BBOF1: variants seen among roughly 807,000 people sequenced by gnomAD.
The protein encoded by BBOF1 is basal body-orientation factor 1.
In BBOF1, 62 loss-of-function variants were observed where a neutral mutation model predicts 68.0. The ratio of observed to expected loss-of-function variants is 0.91; its 90% CI spans 0.74 to 1.13. The LOEUF (loss-of-function observed/expected upper bound fraction) is 1.13. BBOF1 is among the 50% of genes most tolerant of loss of function. The probability of loss-of-function intolerance (pLI) is 0.00; values close to 1 mark genes in which losing one functional copy is unlikely to be tolerated. For synonymous variants in BBOF1, 208 were observed against 198.8 expected, an observed-to-expected ratio of 1.05 and a Z score of -0.39; for missense variants, 534 against 600.1, an observed-to-expected ratio of 0.89 and a Z score of 1.15.
intron 11 of BBOF1, among the ~76,000 whole-genome samples, chr14:74,064,157 G>T (rs905293554): frequency 6.6e-6 from 1 of 151,536 alleles, no homozygotes. Flanking sequence ...AATTATCCAG[G>T]CATGGTGGCA....
rs368024905 is a variant in BBOF1 at position 74,072,397 on chromosome 14, C to T, written n.1380-5799C>T. 5 of 1,613,938 alleles carry T rather than the reference C, an allele frequency of 3.1e-6. No homozygotes were observed. In the African/African-American group the frequency reaches 6.7e-5, roughly 22 times the overall value. ...GAAAAATAAGCACATGATCCTTTGCCTGACTCACCTTCTCCACTGTACATC... is the reference window on the plus strand; with the variant it reads ...GAAAAATAAGCACATGATCCTTTGCTTGACTCACCTTCTCCACTGTACATC... On this transcript the variant is annotated intron_variant and non_coding_transcript_variant, in intron 9 of 12. Coordinates refer to the BBOF1 transcript ENST00000492026.
At chr14:74,072,081 G>C (rs1397042663) in intron 9 of BBOF1, 4 of 1,567,034 alleles carry the variant, frequency 2.6e-6, no homozygotes, top group Non-Finnish European at 3.5e-6. Context: ...ACAAGGGAGA[G>C]AGTCATGATC....
At chr14:74,062,032 G>C (rs1381919010) in intron 11 of BBOF1, among the ~76,000 whole-genome samples, 1 of 118,810 alleles carries the variant, frequency 8.4e-6, no homozygotes, top group Non-Finnish European at 1.6e-5. Flanking sequence ...CCAACATGGC[G>C]AAACCTCGTC....
intron 11 of BBOF1, chr14:74,060,787 T>C: frequency 7.1e-7 from 1 of 1,410,334 alleles, no homozygotes; most frequent in Non-Finnish European, 1.0e-6. Context: ...ATTTCTGGGG[T>C]TTCATGATTC....
intron 11 of BBOF1, chr14:74,060,827 T>G: frequency 1.1e-6 from 1 of 946,794 alleles, no homozygotes; most frequent in Non-Finnish European, 1.7e-6. Context: ...AAGGAGGTAT[T>G]ATAAAGTGCT....
rs767360530 is a variant in BBOF1, at chr14:74,050,008, C to T, written c.1099C>T (p.Leu367=). Residue 367 remains leucine (L), a synonymous_variant, in exon 8 of 12, where the codon CTG becomes TTG. Transcript: ENST00000394009. Reference sequence around the variant, plus strand: ...AGTGGAAAGATTCTTTTTAGATGCTCTGCACCAAGTGAAGCAACAGATCCT... The same window carrying T: ...AGTGGAAAGATTCTTTTTAGATGCTTTGCACCAAGTGAAGCAACAGATCCT... ...TEVERFFLDA[L]HQVKQQILIS... 3 of 1,613,984 alleles carry T rather than the reference C, an allele frequency of 1.9e-6. No individual in the cohort carries two copies. The African/African-American group carries it at 4.0e-5, about 22-fold the overall frequency.
intron 2 of BBOF1, among the ~76,000 whole-genome samples, chr14:74,028,766 T>C (rs536559601): frequency 4.7e-4 from 71 of 151,770 alleles, no homozygotes; most frequent in Non-Finnish European, 8.1e-4. Context: ...TGGAGTGCAA[T>C]GACGCCATCT....
chr14:74,068,902 G>T, downstream of BBOF1: 1 of 1,613,920 alleles, frequency 6.2e-7, no homozygotes, highest in Non-Finnish European at 8.5e-7. Flanking sequence ...ATCCTCTCTC[G>T]AAGATATACT....
At chr14:74,051,612 T>C (rs1257443822) in intron 8 of BBOF1, among the ~76,000 whole-genome samples, 2 of 151,808 alleles carry the variant, frequency 1.3e-5, no homozygotes, top group African/African-American at 2.4e-5. Flanking sequence ...TTGCAGACTA[T>C]ATATTACATA....
At chr14:74,034,905 C>T (rs2059660184) in intron 4 of BBOF1, among the ~76,000 whole-genome samples, 3 of 152,002 alleles carry the variant, frequency 2.0e-5, no homozygotes, top group Admixed American at 1.3e-4. Context: ...GCCTAGGCAA[C>T]ATAGTGAAAT....
intron 5 of BBOF1, among the ~76,000 whole-genome samples, chr14:74,042,905 C>T (rs2059859444): frequency 6.6e-6 from 1 of 150,898 alleles, no homozygotes; most frequent in African/African-American, 2.5e-5. Flanking sequence ...CACACACACA[C>T]ACACACTACT....
downstream of BBOF1, chr14:74,066,179 GA>G (rs2060461262): frequency 6.0e-6 from 1 of 166,062 alleles, no homozygotes; most frequent in Admixed American, 5.6e-5. Context: ...GCAAGAGGGA[GA>G]GGGGAGAGAA....
chr14:74,024,404 C>T (rs2059378486), intron 2 of BBOF1, among the ~76,000 whole-genome samples: 1 of 152,112 alleles, frequency 6.6e-6, no homozygotes, highest in African/African-American at 2.4e-5. Flanking sequence ...TGCAGTGAGC[C>T]ATGGTCATGT....
intron 4 of BBOF1, among the ~76,000 whole-genome samples, chr14:74,036,772 G>A (rs1278839235): frequency 2.0e-5 from 3 of 150,220 alleles, no homozygotes; most frequent in African/African-American, 7.4e-5. Flanking sequence ...TCAAGACCCT[G>A]TACCTATCTG....
intron 5 of BBOF1, chr14:74,040,954 G>A (rs1296568879): frequency 2.5e-5 from 9 of 359,972 alleles, no homozygotes; most frequent in Non-Finnish European, 4.4e-5. Context: ...GAAGATGGGA[G>A]TGGAGAAATC....
chr14:74,066,698 T>C (rs751036704), downstream of BBOF1: 1 of 1,613,578 alleles, frequency 6.2e-7, no homozygotes, highest in South Asian at 1.1e-5. Flanking sequence ...AAGTGAAAGT[T>C]GTTCACCTTG....
intron 2 of BBOF1, among the ~76,000 whole-genome samples, chr14:74,027,208 C>T (rs1370365968): frequency 1.2e-4 from 18 of 148,258 alleles, no homozygotes; most frequent in Non-Finnish European, 3.0e-5. Flanking sequence ...GCCTCAGCAT[C>T]CTGAGTAGCT....
chr14:74,066,494 G>T (rs1381234825), downstream of BBOF1, among the ~76,000 whole-genome samples: 1 of 152,106 alleles, frequency 6.6e-6, no homozygotes, highest in Non-Finnish European at 1.5e-5. Flanking sequence ...TCCCTTTATG[G>T]AAAGTCTGCA....
intron 8 of BBOF1, among the ~76,000 whole-genome samples, chr14:74,054,183 C>T (rs1321513161): frequency 1.1e-4 from 16 of 151,512 alleles, no homozygotes; most frequent in African/African-American, 3.2e-4. Context: ...GCCTAATTTT[C>T]GTATTTTTAG....
Sources: allele counts gnomAD v4.1 joint callset (sites outside exome capture counted in the v4.1 genomes callset), GRCh38; gene constraint gnomAD v4.1.1; transcripts MANE v1.5; gene names NCBI Gene and HGNC (gene_info 2026-07-23, HGNC 2026-07-21).